Variants in NLGN4X observed in about 807,000 individuals in gnomAD.
The protein encoded by NLGN4X is neuroligin-4, X-linked.
A neutral mutation model predicts 40.3 loss-of-function variants in NLGN4X; 3 were observed. The observed-to-expected ratio is 0.07, with a 90% confidence interval of 0.03 to 0.19. The LOEUF is 0.19. Among genes scored for constraint, NLGN4X ranks in the 10% least tolerant of loss-of-function variants. The pLI is 1.00. For synonymous variants in NLGN4X, 270 were observed against 306.8 expected, an observed-to-expected ratio of 0.88 and a Z score of 1.25; for missense variants, 382 against 708.3, an observed-to-expected ratio of 0.54 and a Z score of 5.23.
At chrX:5,981,450 T>TGTGC (rs1199664294) in intron 3 of NLGN4X, among the ~76,000 whole-genome samples, 1 of 106,721 alleles carries the variant, frequency 9.4e-6, no homozygotes, top group Non-Finnish European at 1.9e-5. Context: ...AAGAAATTGG[T>TGTGC]GTGTTTCATG....
chrX:6,160,514 G>T (rs73184649), intron 1 of NLGN4X, among the ~76,000 whole-genome samples: 12,323 of 106,008 alleles, frequency 0.12, 563 homozygotes, highest in Admixed American at 0.15. Context: ...TATCATATAT[G>T]AAATTATATC....
At chrX:5,978,907 G>C (rs187425375) in intron 3 of NLGN4X, among the ~76,000 whole-genome samples, 161 of 111,330 alleles carry the variant, frequency 1.4e-3, no homozygotes, top group African/African-American at 5.1e-3. Flanking sequence ...GGAGGTGGAG[G>C]TTGTAGTGAG....
At chrX:5,953,367 C>A (rs1011331519) in intron 3 of NLGN4X, among the ~76,000 whole-genome samples, 1 of 110,511 alleles carries the variant, frequency 9.0e-6, no homozygotes, top group Non-Finnish European at 1.9e-5. Context: ...CAAAGCAAGA[C>A]CCTGCCTCGA....
At chrX:6,194,138 G>A (rs958295889) in intron 1 of NLGN4X, among the ~76,000 whole-genome samples, 20 of 111,510 alleles carry the variant, frequency 1.8e-4, no homozygotes, top group Admixed American at 8.6e-4. Flanking sequence ...AGCTGTGATC[G>A]CACCACTACA....
At chrX:6,213,272 C>T (rs1424435558) in intron 1 of NLGN4X, among the ~76,000 whole-genome samples, 2 of 111,592 alleles carry the variant, frequency 1.8e-5, no homozygotes, top group African/African-American at 6.5e-5. Context: ...ATCAGACTGG[C>T]TCTAGTTGGT....
rs183557309 is a variant in NLGN4X at position 6,098,466 on chromosome X, G to A, written c.472+52529C>T. The stretch of plus-strand genomic sequence containing the variant: ...AGAAACCATTGTCTTAGTTGCCTTT[G>A]TGTCTCCAAGGTAAACCTTTGGGCT... On this transcript the variant is annotated intron_variant, in intron 2 of 5. Coordinates refer to ENST00000381095, the MANE Select transcript of NLGN4X (RefSeq NM_181332.3). 2.7e-5 allele frequency among the ~76,000 whole-genome samples: 3 copies of A among 111,489 alleles called. No homozygotes were observed. The East Asian group carries it at 8.5e-4, about 31-fold the overall frequency.
chrX:6,046,882 CATAT>C lies in NLGN4X; in HGVS notation c.473-17454_473-17451del, dbSNP rs748587219. Among the ~76,000 whole-genome samples, 557 of 107,407 alleles carry C rather than the reference CATAT, an allele frequency of 5.2e-3. 2 individuals carry two copies. The highest frequency in any genetic ancestry group is 0.018 in the African/African-American group (532 of 29,718). The allele number at this position is 107,407 out of a possible 115,157, so 93.3% of individuals were successfully genotyped here. A position where few individuals can be genotyped will look rare whatever the true frequency, so the allele number is the denominator to read the frequency against. ...ATATATACACATGTCTGTATACATACATATATAGTATACACAGAACCTAATTGTG... is the reference window on the plus strand; with the variant it reads ...ATATATACACATGTCTGTATACATACATAGTATACACAGAACCTAATTGTG... On this transcript the variant is annotated intron_variant, in intron 2 of 5. Transcript: ENST00000381095.
At position 6,027,823 on chromosome X, in the gene NLGN4X, T is replaced by TTA. The variant is rs72327661; in HGVS notation, c.625+1456_625+1457insTA. ...TAATTTATTACTAGTATTATTATTA[T>TTA]TTTTTTTTTTTTGAGAAAAGTCTCA... On this transcript the variant is annotated intron_variant, in intron 3 of 5. Coordinates refer to ENST00000381095, the MANE Select transcript of NLGN4X (RefSeq NM_181332.3). Among the ~76,000 whole-genome samples the TTA allele has an allele frequency of 0.026, 1,206 of 47,272 alleles. 37 individuals carry two copies. In the East Asian group the frequency reaches 0.26, roughly 10 times the overall value. 41.1% of individuals were successfully genotyped at this position (47,272 alleles called of 115,157 possible).
intron 2 of NLGN4X, among the ~76,000 whole-genome samples, chrX:6,078,801 G>A (rs1470747348): frequency 3.6e-5 from 4 of 111,643 alleles, no homozygotes; most frequent in African/African-American, 1.3e-4. Context: ...CTGGCTCTGT[G>A]TCTCCACCCA....
chrX:6,103,946 C>A (rs763095711), intron 2 of NLGN4X, among the ~76,000 whole-genome samples: 2 of 112,034 alleles, frequency 1.8e-5, no homozygotes, highest in African/African-American at 6.5e-5. Context: ...TAATAGAATA[C>A]GTATGTGCAA....
intron 2 of NLGN4X, among the ~76,000 whole-genome samples, chrX:6,038,301 G>A (rs1254239555): frequency 2.7e-5 from 3 of 112,233 alleles, no homozygotes; most frequent in African/African-American, 6.5e-5. Context: ...GTTGGAGGCT[G>A]AGGGCACAGA....
At chrX:6,162,312 G>A (rs1051560958) in intron 1 of NLGN4X, among the ~76,000 whole-genome samples, 3 of 112,083 alleles carry the variant, frequency 2.7e-5, no homozygotes, top group South Asian at 3.7e-4. Context: ...TCATTGGATT[G>A]AAGAATGCAA....
intron 3 of NLGN4X, among the ~76,000 whole-genome samples, chrX:5,954,268 A>T (rs2034409941): frequency 9.1e-6 from 1 of 110,330 alleles, no homozygotes; most frequent in Non-Finnish European, 1.9e-5. Flanking sequence ...TCTGTCACCC[A>T]GGCTGGAGTG....
intron 2 of NLGN4X, among the ~76,000 whole-genome samples, chrX:6,095,158 G>A (rs1172629726): frequency 1.0e-5 from 1 of 98,695 alleles, no homozygotes; most frequent in Non-Finnish European, 2.0e-5. Context: ...TGTAATTATG[G>A]CAATGTTGCT....
At chrX:6,029,710 T>C (rs147450716) in intron 2 of NLGN4X, among the ~76,000 whole-genome samples, 1,149 of 111,682 alleles carry the variant, frequency 0.01, 10 homozygotes, top group Non-Finnish European at 0.016. Context: ...CTAAAAGAAA[T>C]GGTTTTAGGT....
At chrX:6,189,515 T>C (rs1922359946) in intron 1 of NLGN4X, among the ~76,000 whole-genome samples, 1 of 112,282 alleles carries the variant, frequency 8.9e-6, no homozygotes, top group Non-Finnish European at 1.9e-5. Flanking sequence ...TGAACCTAAG[T>C]GCATATGGTA....
At position 6,151,532 on chromosome X, in the gene NLGN4X, A is replaced by G; in HGVS notation, c.-66T>C. ...GTGGCTCCAAGGAGACAAAGCCCAG[A>G]GGCGAGCCTGCAGAGAGATAGGGCT... On this transcript the variant is annotated 5_prime_UTR_variant, in exon 2 of 6. Transcript: ENST00000381095. 1.0e-6 allele frequency: 1 copy of G among 984,430 alleles called. No homozygotes were observed. The highest frequency in any genetic ancestry group is 1.4e-6 in the Non-Finnish European group (1 of 694,037). 81.1% of individuals were successfully genotyped at this position (984,430 alleles called of 1,213,427 possible).
chrX:5,941,974 G>T (rs1569144329), intron 3 of NLGN4X, among the ~76,000 whole-genome samples: 1 of 111,814 alleles, frequency 8.9e-6, no homozygotes, highest in East Asian at 2.8e-4. Flanking sequence ...GGACAAATAG[G>T]CCAGGCTGGG....
intron 2 of NLGN4X, among the ~76,000 whole-genome samples, chrX:6,134,800 T>C (rs1158994606): frequency 1.8e-5 from 2 of 112,253 alleles, no homozygotes; most frequent in Admixed American, 9.5e-5. Flanking sequence ...ACTCACAGCA[T>C]AGTCTCACAA....
Sources: gnomAD v4.1 joint callset for allele counts (sites outside exome capture counted in the v4.1 genomes callset) on GRCh38, gnomAD v4.1.1 for gene constraint, MANE v1.5 for transcripts, NCBI Gene and HGNC (gene_info 2026-07-23, HGNC 2026-07-21) for gene names.